HEPACAM2: variants seen among roughly 807,000 people sequenced by gnomAD.
HEPACAM2 encodes the protein HEPACAM family member 2.
A neutral mutation model predicts 49.6 loss-of-function variants in HEPACAM2; 49 were observed. The ratio of observed to expected loss-of-function variants is 0.99; its 90% confidence interval spans 0.78 to 1.25. The LOEUF is 1.25. HEPACAM2 is among the 50% of genes most tolerant of loss of function. The pLI is 0.00. For missense variants in HEPACAM2, 525 were observed against 557.2 expected, an observed-to-expected ratio of 0.94 and a Z score of 0.58; for synonymous variants, 197 against 202.9, an observed-to-expected ratio of 0.97 and a Z score of 0.25.
intron 9 of HEPACAM2, among the ~76,000 whole-genome samples, 168 bp downstream of exon 9, chr7:93,192,086 T>C (rs1793563218): frequency 6.6e-6 from 1 of 152,094 alleles, no homozygotes; most frequent in Non-Finnish European, 1.5e-5. Context: ...TGTTTGCCTG[T>C]TTTGTTTCTC....
intron 1 of HEPACAM2, among the ~76,000 whole-genome samples, chr7:93,220,938 A>C (rs1794437213): frequency 6.6e-6 from 1 of 152,186 alleles, no homozygotes; most frequent in South Asian, 2.1e-4. Flanking sequence ...TCATAGGAAC[A>C]TTTGACGTAA....
Position 93,215,502 on chromosome 7 carries a change from T to A in HEPACAM2, c.614A>T (p.His205Leu), listed in dbSNP as rs1010167827. The A allele has an allele frequency of 6.2e-7, 1 of 1,613,732 alleles. No homozygotes were observed. The highest frequency in any genetic ancestry group is 8.5e-7 in the Non-Finnish European group (1 of 1,179,872). ...YSFSPQNNTL[H>L]IAPVTKEDIG... ...GTCTTCCTTGGTTACTGGAGCAATA[T>A]GAAGGGTATTGTTTTGGGGAGAAAA... Residue 205 changes from histidine to leucine, a missense_variant, in exon 3 of 10, where the codon CAT (histidine) becomes CTT (leucine). Transcript: ENST00000394468.
intron 1 of HEPACAM2, chr7:93,225,978 G>T: frequency 8.8e-7 from 1 of 1,138,626 alleles, no homozygotes; most frequent in Non-Finnish European, 1.2e-6. Context: ...AACAATTTTC[G>T]TAAATTATTT....
At chr7:93,231,627 A>C in the HEPACAM2 span, among the ~76,000 whole-genome samples, 3 of 152,178 alleles carry the variant, frequency 2.0e-5, no homozygotes, top group African/African-American at 7.2e-5. Flanking sequence ...TCCTTTTAAA[A>C]TTGTGTCCCC....
At chr7:93,197,930 G>A (rs994652616) in intron 4 of HEPACAM2, among the ~76,000 whole-genome samples, 1 of 151,976 alleles carries the variant, frequency 6.6e-6, no homozygotes, top group East Asian at 1.9e-4. Context: ...TCATCTCATT[G>A]TCTCTACATT....
At chr7:93,208,960 T>C in intron 3 of HEPACAM2, 84 bp from the exon 4 acceptor site, 2 of 1,250,602 alleles carry the variant, frequency 1.6e-6, no homozygotes, top group Non-Finnish European at 2.2e-6. Flanking sequence ...AGTAGCATTT[T>C]ACTGTTTTTG....
chr7:93,198,268 G>A (rs1315813548), intron 4 of HEPACAM2, among the ~76,000 whole-genome samples: 2 of 151,800 alleles, frequency 1.3e-5, no homozygotes, highest in African/African-American at 2.4e-5. Context: ...TATAAAATAC[G>A]GTGCTAATAA....
chr7:93,189,163 T>C lies in HEPACAM2; in HGVS notation c.*104A>G. 1 of 968,692 alleles carries C rather than the reference T, an allele frequency of 1.0e-6. No individual in the cohort carries two copies. The highest frequency in any genetic ancestry group is 1.6e-6 in the Non-Finnish European group (1 of 617,026). 60.0% of individuals were successfully genotyped at this position (968,692 alleles called of 1,614,324 possible). A position where few individuals can be genotyped will look rare whatever the true frequency, so the allele number is the denominator to read the frequency against. On this transcript the variant is annotated 3_prime_UTR_variant, in exon 10 of 10. Transcript: ENST00000394468. ...AGGAATAATGAGTAAGAGGTGTTGG[T>C]CTTGGTTTCTTCACTGATTCCAGAT...
rs746550859 is a variant in HEPACAM2, at chr7:93,218,092, G to A, written c.430+1009C>T. 5.3e-5 allele frequency among the ~76,000 whole-genome samples: 8 copies of A among 152,184 alleles called. No individual in the cohort carries two copies. In the South Asian group the frequency reaches 6.2e-4, roughly 12 times the overall value. ...CCTGAGGAGGAGTGTGTTTTGGCCC[G>A]TTCCAGGAAAAGCATGAAGGCCAGC... is the stretch of plus-strand genomic sequence containing the variant. On this transcript the variant is annotated intron_variant, in intron 2 of 9. Coordinates refer to ENST00000394468, the MANE Select transcript of HEPACAM2 (RefSeq NM_001039372.4).
At chr7:93,192,396 C>A in intron 8 of HEPACAM2, 33 bp from the exon 9 acceptor site, 1 of 1,485,836 alleles carries the variant, frequency 6.7e-7, no homozygotes, top group Non-Finnish European at 9.4e-7. Context: ...AATAAATTAT[C>A]TCAAGACTAG....
intron 3 of HEPACAM2, among the ~76,000 whole-genome samples, chr7:93,213,835 G>C (rs1229049561): frequency 6.6e-6 from 1 of 151,996 alleles, no homozygotes; most frequent in South Asian, 2.1e-4. Flanking sequence ...AACCTTTCTG[G>C]AAAGGATGAT....
intron 2 of HEPACAM2, 51 bp from the exon 3 acceptor site, chr7:93,215,736 A>G: frequency 6.4e-7 from 1 of 1,562,896 alleles, no homozygotes; most frequent in Non-Finnish European, 8.7e-7. Flanking sequence ...TGGAAATATA[A>G]TAAAACCCTA....
At chr7:93,223,928 T>C (rs544503099) in intron 1 of HEPACAM2, among the ~76,000 whole-genome samples, 1 of 152,260 alleles carries the variant, frequency 6.6e-6, no homozygotes, top group South Asian at 2.1e-4. Flanking sequence ...GAACACATAC[T>C]CTCTTATCAT....
intron 9 of HEPACAM2, among the ~76,000 whole-genome samples, chr7:93,191,662 G>T (rs1793549915): frequency 6.6e-6 from 1 of 152,076 alleles, no homozygotes; most frequent in South Asian, 2.1e-4. Flanking sequence ...AGACTTCTTA[G>T]TGACAGCCTT....
At chr7:93,229,998 A>G (rs1794595908), upstream of HEPACAM2, among the ~76,000 whole-genome samples, 1 of 152,230 alleles carries the variant, frequency 6.6e-6, no homozygotes, top group African/African-American at 2.4e-5. Context: ...TATTATAGTT[A>G]TAGCCTTAAA....
intron 1 of HEPACAM2, among the ~76,000 whole-genome samples, chr7:93,220,815 C>G (rs1469444066): frequency 6.6e-6 from 1 of 152,166 alleles, no homozygotes; most frequent in Non-Finnish European, 1.5e-5. Flanking sequence ...TTTTATTTAG[C>G]ATTTCTATGT....
In HEPACAM2 at chr7:93,189,152, A is replaced by C; in HGVS notation, c.*115T>G. 2.4e-6 allele frequency: 2 copies of C among 832,406 alleles called. No homozygotes were observed. Among genetic ancestry groups the C allele is most frequent in the Non-Finnish European group, 4.0e-6 (2 of 504,488 alleles). The allele number at this position is 832,406 out of a possible 1,614,324, so 51.6% of individuals were successfully genotyped here. On this transcript the variant is annotated 3_prime_UTR_variant, in exon 10 of 10. Coordinates refer to ENST00000394468, the MANE Select transcript of HEPACAM2 (RefSeq NM_001039372.4). Reference sequence around the variant, plus strand: ...TCTGCATGTAAAGGAATAATGAGTAAGAGGTGTTGGTCTTGGTTTCTTCAC... The same window carrying C: ...TCTGCATGTAAAGGAATAATGAGTACGAGGTGTTGGTCTTGGTTTCTTCAC...
intron 1 of HEPACAM2, among the ~76,000 whole-genome samples, chr7:93,220,009 C>G (rs187044057): frequency 1.3e-5 from 2 of 152,218 alleles, no homozygotes; most frequent in Non-Finnish European, 2.9e-5. Flanking sequence ...TATTTCCACC[C>G]AGAACAGGCA....
At position 93,209,606 on chromosome 7, in the gene HEPACAM2, AC is replaced by A. The variant is rs1306789489; in HGVS notation, c.716-731del. Among the ~76,000 whole-genome samples, 4 of 150,982 alleles carry A rather than the reference AC, an allele frequency of 2.6e-5. No homozygotes were observed. The East Asian group carries it at 7.8e-4, about 29-fold the overall frequency. On this transcript the variant is annotated intron_variant, in intron 3 of 9. Transcript: ENST00000394468. The stretch of plus-strand genomic sequence containing the variant: ...ACTTTTGGCTACCCCCCACCACCCC[AC>A]TCTTCCCCATCTCTAGTAACTACTA...
Sources: allele counts gnomAD v4.1 joint callset (sites outside exome capture counted in the v4.1 genomes callset), GRCh38; gene constraint gnomAD v4.1.1; transcripts MANE v1.5; gene names NCBI Gene and HGNC (gene_info 2026-07-23, HGNC 2026-07-21).